The following ITGAE variants were observed in gnomAD, a reference collection of about 807,000 sequenced individuals.
ITGAE encodes integrin subunit alpha E.
ITGAE carries 99 observed loss-of-function variants against 136.5 expected under a neutral mutation model. That is an observed-to-expected ratio of 0.73 (90% CI 0.62 to 0.86). The LOEUF (loss-of-function observed/expected upper bound fraction) is 0.86, where lower values mean the gene tolerates loss of function less well. ITGAE is among the 40% of genes least tolerant of loss of function. The pLI is 0.00. For missense variants in ITGAE, 1,447 were observed against 1,515.3 expected, an observed-to-expected ratio of 0.95 and a Z score of 0.75; for synonymous variants, 613 against 591.8, an observed-to-expected ratio of 1.04 and a Z score of -0.52.
intron 21 of ITGAE, 93 bp from the exon 22 acceptor site, chr17:3,732,559 A>G (rs891168633): frequency 2.9e-5 from 31 of 1,053,668 alleles, no homozygotes; most frequent in Non-Finnish European, 4.2e-5. Context: ...ACATTCACTA[A>G]TTTTTCTGCC....
At chr17:3,748,894 C>G (rs966602778) in intron 16 of ITGAE, among the ~76,000 whole-genome samples, 2 of 152,126 alleles carry the variant, frequency 1.3e-5, no homozygotes, top group Non-Finnish European at 2.9e-5. Context: ...ACGAAGAGCC[C>G]TGTAAAGCCA....
rs1348684931 is a variant in ITGAE, at chr17:3,797,155, ATATTTTTTTTTTTT to A, written c.34+3942_34+3955del. Among the ~76,000 whole-genome samples, 122 of 24,054 alleles carry A rather than the reference ATATTTTTTTTTTTT, an allele frequency of 5.1e-3. No homozygotes were observed. In the Middle Eastern group the frequency reaches 0.067, roughly 13 times the overall value. The allele number at this position is 24,054 out of a possible 152,430, so 15.8% of individuals were successfully genotyped here. A position where few individuals can be genotyped will look rare whatever the true frequency, so the allele number is the denominator to read the frequency against. On this transcript the variant is annotated intron_variant, in intron 1 of 30. Coordinates refer to ENST00000263087, the MANE Select transcript of ITGAE (RefSeq NM_002208.5). ...CTGGAAACTAAATATATATATATAT[ATATTTTTTTTTTTT>A]TTTTTTTTTTTTTTGAGACGGAGTC...
intron 17 of ITGAE, among the ~76,000 whole-genome samples, chr17:3,747,225 A>C (rs555744560): frequency 6.6e-6 from 1 of 152,246 alleles, no homozygotes; most frequent in Admixed American, 6.5e-5. Flanking sequence ...GAAGGGGAGA[A>C]GACACAAGTC....
At position 3,743,705 on chromosome 17, in the gene ITGAE, CTTTTT is replaced by C. The variant is rs34843140; in HGVS notation, c.2320-93_2320-89del. On this transcript the variant is annotated intron_variant, in intron 18 of 30. Transcript: ENST00000263087. ...ATGCTTTTTTTCTTTTTCTTTTTTT[CTTTTT>C]TTTTTTTTTTGAGATGGAGTCTTGC... is the stretch of plus-strand genomic sequence containing the variant. 104 of 934,994 alleles carry C rather than the reference CTTTTT, an allele frequency of 1.1e-4. 1 individual carries two copies. The highest frequency in any genetic ancestry group is 7.4e-4 in the Middle Eastern group (2 of 2,690). The allele number at this position is 934,994 out of a possible 1,614,324, so 57.9% of individuals were successfully genotyped here. A position where few individuals can be genotyped will look rare whatever the true frequency, so the allele number is the denominator to read the frequency against.
At chr17:3,797,381 G>A (rs1456247504) in intron 1 of ITGAE, among the ~76,000 whole-genome samples, 3 of 151,208 alleles carry the variant, frequency 2.0e-5, no homozygotes, top group Non-Finnish European at 2.9e-5. Flanking sequence ...TAGCCAGGAT[G>A]GTCTCGATCT....
At chr17:3,795,892 T>TGC (rs1241406443) in intron 1 of ITGAE, among the ~76,000 whole-genome samples, 8 of 150,414 alleles carry the variant, frequency 5.3e-5, no homozygotes, top group Non-Finnish European at 1.2e-4. Flanking sequence ...TGCATCCGTG[T>TGC]GTGTGCATCT....
chr17:3,791,202 G>A (rs184894092), intron 1 of ITGAE, among the ~76,000 whole-genome samples: 40 of 151,702 alleles, frequency 2.6e-4, no homozygotes, highest in African/African-American at 9.4e-4. Context: ...ATTTGTATAT[G>A]GACTAAGTAT....
intron 21 of ITGAE, among the ~76,000 whole-genome samples, chr17:3,734,558 G>A (rs933193027): frequency 5.3e-5 from 8 of 152,278 alleles, no homozygotes; most frequent in Middle Eastern, 3.4e-3. Context: ...AGTGTCTTAG[G>A]GCATTAGACT....
At chr17:3,717,806 G>C (rs1242787960) in intron 29 of ITGAE, 1 of 152,126 alleles carries the variant, frequency 6.6e-6, no homozygotes, top group African/African-American at 2.4e-5. Context: ...GAAGTCCTAG[G>C]CTTTGAGAAT....
At position 3,753,839 on chromosome 17, in the gene ITGAE, C is replaced by G. The variant is rs763647582; in HGVS notation, c.1471G>C (p.Glu491Gln). Residue 491 changes from glutamate (E) to glutamine (Q), a missense_variant, in exon 13 of 31, where the codon GAG (glutamate) becomes CAG (glutamine). This residue lies in a region of ITGAE where 1,031 missense variants were observed against 1,011.4 expected (regional missense o/e 1.02). Transcript: ENST00000263087. Reference protein sequence around the residue: ...PRYKHHGAVFELQKEGREASF... With the variant: ...PRYKHHGAVFQLQKEGREASF... ...GCCTCTCTGCCCTCCTTCTGGAGCT[C>G]AAACACGGCCCCATGATGTTTGTAC... is the stretch of plus-strand genomic sequence containing the variant. The G allele has an allele frequency of 3.1e-6, 5 of 1,614,236 alleles. No individual in the cohort carries two copies. Among genetic ancestry groups the G allele is most frequent in the East Asian group, 2.2e-5 (1 of 44,886 alleles).
intron 2 of ITGAE, among the ~76,000 whole-genome samples, chr17:3,770,114 CTTTT>C (rs796370894): frequency 5.8e-5 from 8 of 138,842 alleles, no homozygotes; most frequent in Admixed American, 5.1e-4. Flanking sequence ...TTCTTTCTTT[CTTTT>C]TTTTTTTTTT....
intron 22 of ITGAE, among the ~76,000 whole-genome samples, chr17:3,731,562 G>C (rs569737431): frequency 6.6e-6 from 1 of 151,234 alleles, no homozygotes; most frequent in Non-Finnish European, 1.5e-5. Flanking sequence ...GGCTGGTCTC[G>C]AACTCCTGAC....
At chr17:3,755,086 C>CCCCGCCCTCATCAGGTGGT in intron 12 of ITGAE, 31 bp downstream of exon 12, 2 of 1,563,148 alleles carry the variant, frequency 1.3e-6, no homozygotes, top group Non-Finnish European at 8.6e-7. Flanking sequence ...CATCAGGTGG[C>CCCCGCCCTCATCAGGTGGT]CCCGCCCTCA....
At position 3,714,937 on chromosome 17, in the gene ITGAE, GC is replaced by G; in HGVS notation, c.3449del (p.Gly1150AlafsTer10). 1 of 1,593,826 alleles carries G rather than the reference GC, an allele frequency of 6.3e-7. No individual in the cohort carries two copies. The highest frequency in any genetic ancestry group is 8.6e-7 in the Non-Finnish European group (1 of 1,167,264). On this transcript the variant is annotated frameshift_variant, in exon 31 of 31. Coordinates refer to ENST00000263087, the MANE Select transcript of ITGAE (RefSeq NM_002208.5). LOFTEE classifies it high-confidence loss of function. ...GTTGTTGATATTTTCTTTTAAAAAA[GC>G]CACACTGAAACAAAGGAAGGAAAAG... Reference protein sequence around the residue: ...IVILVILFKCGFFKRKYQQLN... With the variant: ...IVILVILFKCXFFKRKYQQLN...
intron 2 of ITGAE, among the ~76,000 whole-genome samples, chr17:3,766,792 AAAT>A (rs146384772): frequency 0.12 from 16,911 of 136,580 alleles, 1,183 homozygotes; most frequent in Admixed American, 0.17. Flanking sequence ...AAAGAGTGCA[AAAT>A]AATAATAATA....
intron 2 of ITGAE, among the ~76,000 whole-genome samples, chr17:3,765,959 G>A (rs961222500): frequency 2.0e-5 from 3 of 152,126 alleles, no homozygotes; most frequent in Admixed American, 6.5e-5. Context: ...AGAAGGCCAC[G>A]TCCTAATCCC....
intron 3 of ITGAE, among the ~76,000 whole-genome samples, chr17:3,763,625 G>A (rs182655951): frequency 7.9e-5 from 12 of 152,224 alleles, no homozygotes; most frequent in Admixed American, 2.6e-4. Context: ...GGGTGGGCAC[G>A]CAATACGCTG....
chr17:3,729,876 T>C (rs2051301857), intron 23 of ITGAE, among the ~76,000 whole-genome samples: 1 of 152,146 alleles, frequency 6.6e-6, no homozygotes, highest in Non-Finnish European at 1.5e-5. Context: ...ATTACAGGCG[T>C]GAGCCACTGC....
Position 3,745,939 on chromosome 17 carries a change from G to A in ITGAE, c.2156-12C>T, listed in dbSNP as rs767180346. The A allele has an allele frequency of 1.8e-5, 29 of 1,611,170 alleles. No homozygotes were observed. The highest frequency in any genetic ancestry group is 2.3e-5 in the Non-Finnish European group (27 of 1,178,490). On this transcript the variant is annotated splice_polypyrimidine_tract_variant and intron_variant, in intron 17 of 30. Coordinates refer to ENST00000263087, the MANE Select transcript of ITGAE (RefSeq NM_002208.5). ...TGCCTCGCGGAGGCCTGGGAATGAAGACCAGACCTTCCCGATGAGGTGGGG... is the reference window on the plus strand; with the variant it reads ...TGCCTCGCGGAGGCCTGGGAATGAAAACCAGACCTTCCCGATGAGGTGGGG...
Sources: gnomAD v4.1 joint callset for allele counts (sites outside exome capture counted in the v4.1 genomes callset) on GRCh38, gnomAD v4.1.1 for gene constraint, gnomAD v4.1.1 regional missense constraint, MANE v1.5 for transcripts, NCBI Gene and HGNC (gene_info 2026-07-23, HGNC 2026-07-21) for gene names.